Variants in ZNF469 observed in about 807,000 individuals in gnomAD.
ZNF469 encodes zinc finger protein 469.
Under a neutral mutation model 1.0 loss-of-function variants are expected in ZNF469, and 1 was observed. The observed-to-expected ratio is 1.00, with a 90% CI of 0.35 to 4.73. The LOEUF is 4.73. Among genes scored for constraint, ZNF469 ranks in the 30% most tolerant of loss-of-function variants. ZNF469 has a pLI of 0.16. For synonymous variants in ZNF469, 2,703 were observed against 2,363.4 expected (o/e 1.14, Z -4.17); for missense variants, 6,100 against 5,356.3 (o/e 1.14, Z -4.33).
chr16:88,168,360 A>G, the ZNF469 span, among the ~76,000 whole-genome samples: 2 of 152,174 alleles, frequency 1.3e-5, no homozygotes, highest in Non-Finnish European at 2.9e-5. The surrounding 1 kb of genome is among the most constrained non-coding windows in gnomAD (Gnocchi z 4.3). Context: ...TTTTCCCCAC[A>G]TATTTTCTAG....
At chr16:88,396,809 CA>C in intron 1 of ZNF469, among the ~76,000 whole-genome samples, 1 of 147,470 alleles carries the variant, frequency 6.8e-6, no homozygotes. Context: ...GAAGGGAGGC[CA>C]GGCAGAGACC....
the ZNF469 span, among the ~76,000 whole-genome samples, chr16:88,268,292 G>A: frequency 7.2e-5 from 11 of 152,278 alleles, no homozygotes; most frequent in South Asian, 2.1e-3. Context: ...TGGCTACCCT[G>A]AGAAGATGAC....
the ZNF469 span, among the ~76,000 whole-genome samples, chr16:88,190,631 A>G: frequency 6.6e-6 from 1 of 152,236 alleles, no homozygotes; most frequent in Non-Finnish European, 1.5e-5. Context: ...GAAGCAACAC[A>G]GGCAAGAGTG....
At chr16:88,162,974 G>C in the ZNF469 span, among the ~76,000 whole-genome samples, 1 of 152,232 alleles carries the variant, frequency 6.6e-6, no homozygotes, top group African/African-American at 2.4e-5. Context: ...GAGGGAGTAG[G>C]TGTTGGATGG....
At position 88,436,406 on chromosome 16, in the gene ZNF469, C is replaced by G. The variant is rs773307182; in HGVS notation, c.8936C>G (p.Pro2979Arg). Residue 2979 changes from proline (P) to arginine (R), a missense_variant, in exon 3 of 3, where the codon CCC (proline) becomes CGC (arginine). Pro to Arg is a moderately radical substitution (Grantham distance 103). Coordinates refer to ENST00000565624, the MANE Select transcript of ZNF469 (RefSeq NM_001367624.2). ...GCAGAGAAGCTGCCCTCCCACTGCC[C>G]CGAGGACGATCGGCCGGAGGCCATT... is the stretch of plus-strand genomic sequence containing the variant. ...AGAEKLPSHC[P>R]EDDRPEAIPE... The G allele has an allele frequency of 1.3e-6, 2 of 1,549,544 alleles. No individual in the cohort carries two copies. Among genetic ancestry groups the G allele is most frequent in the Admixed American group, 3.9e-5 (2 of 50,990 alleles).
the ZNF469 span, among the ~76,000 whole-genome samples, chr16:88,205,480 C>T: frequency 1.3e-5 from 2 of 152,132 alleles, no homozygotes; most frequent in South Asian, 4.1e-4. This position sits in a 1 kb window ranked among gnomAD's most constrained non-coding sequence, Gnocchi z 4.2. Context: ...TCATTAAGAG[C>T]CTAACATCAA....
chr16:88,348,786 T>C, the ZNF469 span, among the ~76,000 whole-genome samples: 4,042 of 152,030 alleles, frequency 0.027, 173 homozygotes, highest in African/African-American at 0.092. Context: ...AGGTGAAGAG[T>C]TGAAGAAGAC....
At chr16:88,356,810 C>T in the ZNF469 span, among the ~76,000 whole-genome samples, 252 of 152,338 alleles carry the variant, frequency 1.7e-3, 1 homozygote, top group African/African-American at 5.8e-3. Context: ...GGAAGCTCCC[C>T]GGGGCAGGAG....
chr16:88,133,204 G>A, the ZNF469 span, among the ~76,000 whole-genome samples: 1 of 152,256 alleles, frequency 6.6e-6, no homozygotes, highest in South Asian at 2.1e-4. Context: ...GGCCCTGCCA[G>A]GGCTCCTTCC....
chr16:88,385,139 G>A (rs1163247527), intron 1 of ZNF469, among the ~76,000 whole-genome samples: 1 of 152,148 alleles, frequency 6.6e-6, no homozygotes, highest in African/African-American at 2.4e-5. Context: ...AATTCAGTGG[G>A]TTTCTGCCCT....
the ZNF469 span, among the ~76,000 whole-genome samples, chr16:88,271,334 G>C: frequency 7.5e-6 from 1 of 133,094 alleles, no homozygotes; most frequent in African/African-American, 2.5e-5. Context: ...AGGGGGTTAG[G>C]GCCGGGGCCG....
In ZNF469 at chr16:88,428,334, C is replaced by T. The variant is rs1021157563; in HGVS notation, c.864C>T (p.Phe288=). 1.4e-5 allele frequency: 22 copies of T among 1,549,876 alleles called. No homozygotes were observed. The African/African-American group carries it at 2.6e-4, about 18-fold the overall frequency. The change falls in exon 3 of 3, where the codon TTC becomes TTT. Residue 288 remains phenylalanine (F), a synonymous_variant. Transcript: ENST00000565624. ...PALHGASTKP[F]PADVAGHAFT... ...TGCATGGGGCCAGCACAAAACCCTT[C>T]CCTGCGGATGTGGCTGGGCACGCAT...
At chr16:88,274,625 G>A in the ZNF469 span, among the ~76,000 whole-genome samples, 2 of 152,208 alleles carry the variant, frequency 1.3e-5, no homozygotes, top group East Asian at 3.8e-4. Flanking sequence ...ACATGCGTGT[G>A]CTCTGTGTGA....
chr16:88,219,042 C>G, the ZNF469 span, among the ~76,000 whole-genome samples: 3 of 148,768 alleles, frequency 2.0e-5, no homozygotes, highest in African/African-American at 7.7e-5. Context: ...AATAAAATAC[C>G]TAGGAATCCA....
chr16:88,211,823 T>C, the ZNF469 span, among the ~76,000 whole-genome samples: 1 of 152,326 alleles, frequency 6.6e-6, no homozygotes, highest in Middle Eastern at 3.4e-3. Flanking sequence ...GCCACCTGTG[T>C]GGTGCCAGCT....
At chr16:88,380,952 C>A (rs578177769), upstream of ZNF469, among the ~76,000 whole-genome samples, 2,230 of 97,224 alleles carry the variant, frequency 0.023, 29 homozygotes, top group Middle Eastern at 0.12. Context: ...ACAGACACGC[C>A]CTCACACACA....
chr16:88,434,083 G>C lies in ZNF469; in HGVS notation c.6613G>C (p.Asp2205His), dbSNP rs1322998747. Residue 2205 changes from aspartate (D) to histidine (H), a missense_variant, in exon 3 of 3, where the codon GAT (aspartate) becomes CAT (histidine). Asp to His is a moderately conservative substitution (Grantham distance 81, BLOSUM62 -1). Transcript: ENST00000565624. ...CCCGTCTTTGACAACAAGCCCCTGC[G>C]ATCCCAAGGAAGCCCTGGCTGGTTG... ...APPSLTTSPC[D>H]PKEALAGCLL... 1 of 1,550,282 alleles carries C rather than the reference G, an allele frequency of 6.5e-7. No individual in the cohort carries two copies. Among genetic ancestry groups the C allele is most frequent in the African/African-American group, 1.4e-5 (1 of 73,040 alleles).
chr16:88,433,416 T>C lies in ZNF469; in HGVS notation c.5946T>C (p.His1982=), dbSNP rs753855061. ...GHQLGLEADG[H]WGLLGQAEKT... is the part of the protein sequence containing the mutation. The stretch of plus-strand genomic sequence containing the variant: ...AGCTGGGGCTGGAGGCAGATGGACA[T>C]TGGGGCTTGCTTGGCCAAGCCGAGA... The change falls in exon 3 of 3, where the codon CAT becomes CAC. Residue 1982 remains histidine (H), a synonymous_variant. Coordinates refer to ENST00000565624, the MANE Select transcript of ZNF469 (RefSeq NM_001367624.2). 22 of 1,550,212 alleles carry C rather than the reference T, an allele frequency of 1.4e-5. No individual in the cohort carries two copies. Among genetic ancestry groups the C allele is most frequent in the Admixed American group, 7.8e-5 (4 of 50,984 alleles).
At chr16:88,239,511 CGGAGTCTCGCTCTGTCA>C in the ZNF469 span, among the ~76,000 whole-genome samples, 2 of 145,388 alleles carry the variant, frequency 1.4e-5, no homozygotes, top group South Asian at 2.2e-4. Context: ...TTTTTTGAGA[CGGAGTCTCGCTCTGTCA>C]CCAGGCTGGG....
Sources: gnomAD v4.1 joint callset for allele counts (sites outside exome capture counted in the v4.1 genomes callset) on GRCh38, gnomAD v4.1.1 for gene constraint, Gnocchi (gnomAD v3.1) non-coding constraint, MANE v1.5 for transcripts, NCBI Gene and HGNC (gene_info 2026-07-23, HGNC 2026-07-21) for gene names.